CRIM1: variants seen among roughly 807,000 people sequenced by gnomAD.
The protein encoded by CRIM1 is cysteine-rich motor neuron 1 protein.
A neutral mutation model predicts 116.4 loss-of-function variants in CRIM1; 32 were observed. That is an observed-to-expected ratio of 0.27 (90% confidence interval 0.21 to 0.37). The LOEUF (loss-of-function observed/expected upper bound fraction) is 0.37, where lower values mean the gene tolerates loss of function less well. Ranked by LOEUF, CRIM1 falls within the 10% of genes least tolerant of loss-of-function variation. CRIM1 has a pLI of 1.00. For synonymous variants in CRIM1, 590 were observed against 509.2 expected (o/e 1.16, Z -2.13); for missense variants, 1,331 against 1,354.8 (o/e 0.98, Z 0.28).
At chr2:36,495,475 A>ATTTTTTTTTTTTTTTT (rs1024205619) in intron 7 of CRIM1, among the ~76,000 whole-genome samples, 1 of 129,644 alleles carries the variant, frequency 7.7e-6, no homozygotes, top group East Asian at 2.0e-4. Flanking sequence ...TTATTTATTT[A>ATTTTTTTTTTTTTTTT]TTTTTTTTTT....
intron 2 of CRIM1, among the ~76,000 whole-genome samples, chr2:36,405,402 C>T (rs1192551711): frequency 6.6e-6 from 1 of 152,164 alleles, no homozygotes; most frequent in Non-Finnish European, 1.5e-5. Flanking sequence ...CCAGCTCTGC[C>T]CCTACCCGCT....
chr2:36,451,264 G>A (rs1331771276), intron 4 of CRIM1, among the ~76,000 whole-genome samples: 1 of 152,034 alleles, frequency 6.6e-6, no homozygotes, highest in African/African-American at 2.4e-5. Context: ...AGGCTCCCAA[G>A]TTTTGGAAGG....
intron 4 of CRIM1, among the ~76,000 whole-genome samples, chr2:36,443,743 C>T (rs570690157): frequency 3.8e-4 from 58 of 152,204 alleles, no homozygotes; most frequent in African/African-American, 1.3e-3. Flanking sequence ...GTTATCTGTC[C>T]GTAATTGAAG....
intron 2 of CRIM1, among the ~76,000 whole-genome samples, chr2:36,398,152 C>T (rs568185266): frequency 6.6e-5 from 10 of 152,306 alleles, no homozygotes; most frequent in Non-Finnish European, 8.8e-5. Flanking sequence ...TACGCATACA[C>T]ATTTAAACTT....
chr2:36,548,737 AGAC>A lies in CRIM1; in HGVS notation c.*40_*42del. On this transcript the variant is annotated 3_prime_UTR_variant, in exon 17 of 17. Transcript: ENST00000280527. ...CTAGGATGAGGTTTCAAAAGACGGA[AGAC>A]GACTAAATCTGCTCTAAAAAGTAAA... The A allele has an allele frequency of 6.6e-7, 1 of 1,521,086 alleles. No individual in the cohort carries two copies. Among genetic ancestry groups the A allele is most frequent in the Non-Finnish European group, 8.9e-7 (1 of 1,129,866 alleles). 94.2% of individuals were successfully genotyped at this position (1,521,086 alleles called of 1,614,324 possible). A position where few individuals can be genotyped will look rare whatever the true frequency, so the allele number is the denominator to read the frequency against.
intron 5 of CRIM1, among the ~76,000 whole-genome samples, chr2:36,467,794 G>A (rs563313855): frequency 2.0e-5 from 3 of 152,204 alleles, no homozygotes; most frequent in Non-Finnish European, 4.4e-5. Context: ...AAGTGAAAAA[G>A]GAGATAGGGT....
chr2:36,547,782 A>AATC (rs1456527149), intron 16 of CRIM1, among the ~76,000 whole-genome samples: 1 of 152,232 alleles, frequency 6.6e-6, no homozygotes, highest in East Asian at 1.9e-4. Flanking sequence ...AGGGCCTCTA[A>AATC]ATCTGCCTAT....
chr2:36,504,324 C>A (rs1158204184), intron 8 of CRIM1, among the ~76,000 whole-genome samples: 1 of 152,172 alleles, frequency 6.6e-6, no homozygotes, highest in African/African-American at 2.4e-5. Context: ...AGTCCTTACC[C>A]TTGACTCACA....
chr2:36,511,742 C>A (rs1180040748), intron 9 of CRIM1, among the ~76,000 whole-genome samples: 1 of 152,044 alleles, frequency 6.6e-6, no homozygotes, highest in Non-Finnish European at 1.5e-5. Context: ...GAATTCTTGG[C>A]CAGACACCAC....
chr2:36,547,032 G>C lies in CRIM1; in HGVS notation c.2795G>C (p.Ser932Thr), dbSNP rs761825853. The change falls in exon 16 of 17, where the codon AGT becomes ACT. Residue 932 changes from serine (S) to threonine (T), a missense_variant. Coordinates refer to ENST00000280527, the MANE Select transcript of CRIM1 (RefSeq NM_016441.3). ...VDYRDNRLHP[S>T]EDSSLDSIAS... ...TACAGAGATAACAGGCTGCACCCAA[G>C]TGAAGATTCTTCACTGGACTCCATT... 4 of 1,613,030 alleles carry C rather than the reference G, an allele frequency of 2.5e-6. No homozygotes were observed. Among genetic ancestry groups the C allele is most frequent in the Non-Finnish European group, 3.4e-6 (4 of 1,179,324 alleles).
intron 5 of CRIM1, among the ~76,000 whole-genome samples, chr2:36,474,802 G>C (rs72866805): frequency 0.016 from 2,098 of 130,888 alleles, 56 homozygotes; most frequent in African/African-American, 0.057. Context: ...GAGCTCAGAT[G>C]ACGCCACTCC....
chr2:36,398,692 T>A (rs926396547), intron 2 of CRIM1, among the ~76,000 whole-genome samples: 1 of 152,242 alleles, frequency 6.6e-6, no homozygotes, highest in African/African-American at 2.4e-5. Flanking sequence ...TTAAGGTTAA[T>A]GTATCTTCTA....
At chr2:36,543,703 A>T (rs919129433) in intron 14 of CRIM1, among the ~76,000 whole-genome samples, 35 of 64,686 alleles carry the variant, frequency 5.4e-4, no homozygotes, top group South Asian at 1.5e-3. Flanking sequence ...TTTTTTTTTT[A>T]AAAAGACCTG....
intron 14 of CRIM1, 148 bp downstream of exon 14, chr2:36,537,694 T>A: frequency 1.2e-6 from 1 of 869,200 alleles, no homozygotes; most frequent in Non-Finnish European, 1.7e-6. Context: ...CCAAAGACCC[T>A]ATGGGTAACT....
chr2:36,369,492 C>T (rs1669808138), intron 1 of CRIM1, among the ~76,000 whole-genome samples: 1 of 152,188 alleles, frequency 6.6e-6, no homozygotes, highest in Non-Finnish European at 1.5e-5. Flanking sequence ...GTCAATTCCT[C>T]TGTGAGGATC....
chr2:36,469,374 T>G (rs1037900072), intron 5 of CRIM1, among the ~76,000 whole-genome samples: 7 of 152,214 alleles, frequency 4.6e-5, no homozygotes, highest in Non-Finnish European at 7.3e-5. Flanking sequence ...CCTGTAGCAC[T>G]CTGCTTCTCA....
chr2:36,534,912 T>G (rs543345199), intron 13 of CRIM1, among the ~76,000 whole-genome samples: 2 of 152,258 alleles, frequency 1.3e-5, no homozygotes, highest in South Asian at 4.1e-4. Context: ...GGGCCAAGGT[T>G]CATGTAAAAT....
At chr2:36,442,785 T>C in intron 4 of CRIM1, 50 bp downstream of exon 4, 1 of 1,608,468 alleles carries the variant, frequency 6.2e-7, no homozygotes. Flanking sequence ...GTTAGCATCA[T>C]CTAAGGTACA....
intron 7 of CRIM1, among the ~76,000 whole-genome samples, chr2:36,483,272 G>A (rs1451666628): frequency 6.6e-6 from 1 of 152,114 alleles, no homozygotes; most frequent in African/African-American, 2.4e-5. Context: ...ATACATAGAC[G>A]ACACAGCCTT....
Sources: gnomAD v4.1 joint callset for allele counts (sites outside exome capture counted in the v4.1 genomes callset) on GRCh38, gnomAD v4.1.1 for gene constraint, MANE v1.5 for transcripts, NCBI Gene and HGNC (gene_info 2026-07-23, HGNC 2026-07-21) for gene names.